The following COL14A1 variants were observed in gnomAD, a reference collection of about 807,000 sequenced individuals.
COL14A1 encodes collagen type XIV alpha 1 chain.
Under a neutral mutation model 230.3 loss-of-function variants are expected in COL14A1, and 136 were observed. The ratio of observed to expected loss-of-function variants is 0.59; its 90% CI spans 0.51 to 0.68. The LOEUF (loss-of-function observed/expected upper bound fraction) is 0.68, where lower values mean the gene tolerates loss of function less well. Ranked by LOEUF, COL14A1 falls within the 30% of genes least tolerant of loss-of-function variation. The pLI is 0.00. For synonymous variants in COL14A1, 792 were observed against 784.1 expected (o/e 1.01, Z -0.17); for missense variants, 1,976 against 2,215.8 (o/e 0.89, Z 2.17).
intron 40 of COL14A1, among the ~76,000 whole-genome samples, chr8:120,331,675 C>T (rs55649883): frequency 0.018 from 2,714 of 152,244 alleles, 79 homozygotes; most frequent in African/African-American, 0.061. Context: ...ACGAAATCCT[C>T]CCAAATCTCC....
intron 5 of COL14A1, among the ~76,000 whole-genome samples, chr8:120,186,876 C>G (rs1194248679): frequency 2.6e-5 from 4 of 152,188 alleles, no homozygotes; most frequent in Non-Finnish European, 5.9e-5. Flanking sequence ...AAGTCCTCCC[C>G]AGTCAAGGAG....
chr8:120,143,585 C>T (rs533569031), intron 1 of COL14A1, among the ~76,000 whole-genome samples: 12 of 152,104 alleles, frequency 7.9e-5, no homozygotes, highest in South Asian at 2.1e-4. Context: ...GGGCCGAGAT[C>T]GCACCACTGC....
At chr8:120,272,433 C>T (rs1480082661) in intron 26 of COL14A1, among the ~76,000 whole-genome samples, 1 of 151,562 alleles carries the variant, frequency 6.6e-6, no homozygotes, top group Non-Finnish European at 1.5e-5. Context: ...TGGAACTGTA[C>T]CTCACATCTC....
intron 19 of COL14A1, among the ~76,000 whole-genome samples, chr8:120,239,497 T>C (rs1818550910): frequency 6.6e-6 from 1 of 152,156 alleles, no homozygotes; most frequent in Admixed American, 6.5e-5. Flanking sequence ...GGAGGAAATA[T>C]TACAGGACAC....
Position 120,345,576 on chromosome 8 carries a change from C to T in COL14A1, c.5077+13C>T. 4.6e-6 allele frequency: 7 copies of T among 1,517,246 alleles called. No homozygotes were observed. In the South Asian group the frequency reaches 5.2e-5, roughly 11 times the overall value. The allele number at this position is 1,517,246 out of a possible 1,614,324, so 94.0% of individuals were successfully genotyped here. ...CCAGGAGAACGAGGTAAGCTGGGCC[C>T]CTTCTCTCAGAGGAACTCCTCTGAG... On this transcript the variant is annotated intron_variant, in intron 45 of 47. Coordinates refer to ENST00000297848, the MANE Select transcript of COL14A1 (RefSeq NM_021110.4).
chr8:120,178,120 AC>A (rs1406592386), intron 5 of COL14A1, among the ~76,000 whole-genome samples: 1 of 152,104 alleles, frequency 6.6e-6, no homozygotes, highest in Non-Finnish European at 1.5e-5. Flanking sequence ...GTTCTGGGAT[AC>A]ATGTGCAGAA....
intron 4 of COL14A1, 132 bp from the exon 5 acceptor site, chr8:120,168,029 G>C: frequency 3.9e-6 from 2 of 516,126 alleles, no homozygotes; most frequent in South Asian, 6.8e-5. Flanking sequence ...CTAATATTTG[G>C]GGATGAGTTT....
intron 8 of COL14A1, among the ~76,000 whole-genome samples, chr8:120,200,803 A>G (rs1341552151): frequency 7.2e-6 from 1 of 139,774 alleles, no homozygotes; most frequent in Non-Finnish European, 1.5e-5. Flanking sequence ...TCATTTTTTC[A>G]GAACTTGTTT....
chr8:120,364,919 A>G (rs936409827), intron 45 of COL14A1, among the ~76,000 whole-genome samples: 3 of 151,952 alleles, frequency 2.0e-5, no homozygotes, highest in Admixed American at 1.3e-4. Context: ...AAAGAAAAAA[A>G]GAATAAAAGC....
intron 19 of COL14A1, chr8:120,231,841 C>G: frequency 2.0e-6 from 1 of 488,102 alleles, no homozygotes; most frequent in Non-Finnish European, 3.6e-6. Context: ...TTAATAACCT[C>G]TGAACATTGT....
intron 5 of COL14A1, among the ~76,000 whole-genome samples, chr8:120,194,090 G>A (rs961973445): frequency 9.9e-5 from 15 of 152,152 alleles, no homozygotes; most frequent in Non-Finnish European, 2.1e-4. Flanking sequence ...CTCCCTAGTG[G>A]GATGAACCCG....
chr8:120,214,192 A>T (rs1344711267), intron 13 of COL14A1: 1 of 167,034 alleles, frequency 6.0e-6, no homozygotes, highest in Non-Finnish European at 1.3e-5. Context: ...GGTTAATATC[A>T]TGGGCTCTGG....
chr8:120,262,590 A>G (rs16893773), intron 23 of COL14A1, among the ~76,000 whole-genome samples: 3,172 of 152,330 alleles, frequency 0.021, 115 homozygotes, highest in African/African-American at 0.071. Context: ...AATTACATGC[A>G]TTAATAGTTC....
At chr8:120,170,326 G>A (rs1205849617) in intron 5 of COL14A1, among the ~76,000 whole-genome samples, 2 of 151,830 alleles carry the variant, frequency 1.3e-5, no homozygotes, top group Non-Finnish European at 2.9e-5. Flanking sequence ...GTCTCACATA[G>A]ATTTTGATAT....
intron 40 of COL14A1, among the ~76,000 whole-genome samples, chr8:120,319,535 CT>C (rs748060277): frequency 3.3e-5 from 5 of 152,152 alleles, no homozygotes; most frequent in Non-Finnish European, 7.3e-5. Flanking sequence ...GTGCCATCAC[CT>C]TGACTGAAAG....
rs1234627263 is a variant in COL14A1 at position 120,158,276 on chromosome 8, C to A, written c.205+30C>A. 3.1e-6 allele frequency: 4 copies of A among 1,291,548 alleles called. No homozygotes were observed. The East Asian group carries it at 6.9e-5, about 22-fold the overall frequency. 80.0% of individuals were successfully genotyped at this position (1,291,548 alleles called of 1,614,324 possible). On this transcript the variant is annotated intron_variant, in intron 3 of 47. Coordinates refer to ENST00000297848, the MANE Select transcript of COL14A1 (RefSeq NM_021110.4). ...AAACAATTGACTTTGTTTTGTAGAG[C>A]ATTAGCAACTTTTCATGCATAGGCA...
At chr8:120,188,360 G>C (rs1816710913) in intron 5 of COL14A1, among the ~76,000 whole-genome samples, 2 of 152,114 alleles carry the variant, frequency 1.3e-5, no homozygotes, top group South Asian at 4.1e-4. Flanking sequence ...GGGATTACAG[G>C]CATGAGCCAC....
intron 33 of COL14A1, among the ~76,000 whole-genome samples, chr8:120,286,559 G>A (rs1006965939): frequency 1.3e-5 from 2 of 151,920 alleles, no homozygotes; most frequent in African/African-American, 4.8e-5. Context: ...GCCCAGGCTG[G>A]AGTGCAGTGG....
At chr8:120,301,124 T>G (rs1820697251) in intron 36 of COL14A1, among the ~76,000 whole-genome samples, 1 of 152,158 alleles carries the variant, frequency 6.6e-6, no homozygotes, top group South Asian at 2.1e-4. Context: ...ATTTTCGGTG[T>G]GAATATTTCA....
Sources: gnomAD v4.1 joint callset for allele counts (sites outside exome capture counted in the v4.1 genomes callset) on GRCh38, gnomAD v4.1.1 for gene constraint, MANE v1.5 for transcripts, NCBI Gene and HGNC (gene_info 2026-07-23, HGNC 2026-07-21) for gene names.